APP: variants seen among roughly 807,000 people sequenced by gnomAD.
APP encodes the protein amyloid beta precursor protein.
In APP, 31 loss-of-function variants were observed where a neutral mutation model predicts 101.4. The observed-to-expected ratio is 0.31, with a 90% CI of 0.23 to 0.41. APP has a LOEUF of 0.41. Ranked by LOEUF, APP falls within the 10% of genes least tolerant of loss-of-function variation. APP has a pLI of 1.00. For synonymous variants in APP, 366 were observed against 364.4 expected, an observed-to-expected ratio of 1.00 and a Z score of -0.05; for missense variants, 839 against 1,003.7, an observed-to-expected ratio of 0.84 and a Z score of 2.22.
In APP at chr21:26,158,518, T is replaced by TA. The variant is rs1361316985; in HGVS notation, c.57+12045dup. ...ATGCTCCCTTGCATCGAGGTGTCACTATCTGGCCCATGAGATTAAGCAGAC... is the reference window on the plus strand; with the variant it reads ...ATGCTCCCTTGCATCGAGGTGTCACTAATCTGGCCCATGAGATTAAGCAGAC... On this transcript the variant is annotated intron_variant, in intron 1 of 17. Transcript: ENST00000346798. 2.0e-5 allele frequency among the ~76,000 whole-genome samples: 3 copies of TA among 152,190 alleles called. 1 individual carries two copies. The highest frequency in any genetic ancestry group is 4.1e-4 in the South Asian group (2 of 4,838).
chr21:25,949,921 C>G (rs937489096), intron 13 of APP, among the ~76,000 whole-genome samples: 1 of 152,162 alleles, frequency 6.6e-6, no homozygotes, highest in African/African-American at 2.4e-5. Context: ...AGTTGGCAAA[C>G]TCTCTTAGGT....
intron 13 of APP, 30 bp from the exon 14 acceptor site, chr21:25,911,992 A>G: frequency 1.3e-6 from 2 of 1,542,142 alleles, no homozygotes; most frequent in East Asian, 4.5e-5. Flanking sequence ...CTCTTTGGTG[A>G]GTAACAACAA....
At chr21:25,883,567 C>T (rs2037132877) in intron 17 of APP, among the ~76,000 whole-genome samples, 1 of 152,076 alleles carries the variant, frequency 6.6e-6, no homozygotes, top group Non-Finnish European at 1.5e-5. Context: ...GTAGCACGTG[C>T]CTGTAGTCCC....
intron 3 of APP, among the ~76,000 whole-genome samples, chr21:26,058,661 T>C (rs2046138143): frequency 6.6e-6 from 1 of 152,202 alleles, no homozygotes; most frequent in South Asian, 2.1e-4. Flanking sequence ...GCTGCCAGGA[T>C]GGCGGCACCT....
chr21:26,133,446 C>A (rs1360925136), intron 1 of APP, among the ~76,000 whole-genome samples: 1 of 152,148 alleles, frequency 6.6e-6, no homozygotes, highest in Non-Finnish European at 1.5e-5. Flanking sequence ...ACTATGGATT[C>A]AGTCTACAAT....
At chr21:26,155,956 G>A (rs755177060) in intron 1 of APP, among the ~76,000 whole-genome samples, 18 of 148,668 alleles carry the variant, frequency 1.2e-4, no homozygotes, top group East Asian at 6.0e-4. Flanking sequence ...AGCCGAGACC[G>A]TGCCACTGCA....
chr21:26,088,005 G>C (rs2061737923), intron 3 of APP, among the ~76,000 whole-genome samples: 1 of 151,864 alleles, frequency 6.6e-6, no homozygotes, highest in Non-Finnish European at 1.5e-5. Flanking sequence ...TTTTTTGTTT[G>C]TTTTTGTTTT....
At chr21:26,109,862 G>A (rs1413743265) in intron 2 of APP, among the ~76,000 whole-genome samples, 1 of 152,152 alleles carries the variant, frequency 6.6e-6, no homozygotes, top group African/African-American at 2.4e-5. Context: ...TTTGGTCAAT[G>A]TCATAAACTA....
At chr21:25,990,946 A>G (rs7276210) in intron 8 of APP, among the ~76,000 whole-genome samples, 50,677 of 152,024 alleles carry the variant, frequency 0.33, 10,079 homozygotes, top group African/African-American at 0.56. Context: ...AATGAGGGAT[A>G]AAGAAAATGT....
intron 15 of APP, among the ~76,000 whole-genome samples, chr21:25,902,261 T>G (rs1051700205): frequency 2.0e-5 from 3 of 152,184 alleles, no homozygotes; most frequent in African/African-American, 7.2e-5. Flanking sequence ...ATGACAATCT[T>G]GGGAAGGCTT....
intron 11 of APP, among the ~76,000 whole-genome samples, chr21:25,958,783 A>T (rs1388097530): frequency 3.3e-5 from 5 of 152,136 alleles, no homozygotes; most frequent in African/African-American, 1.2e-4. Context: ...TAAATCATCG[A>T]CCCCTTTCTT....
At chr21:26,083,632 G>T (rs779855660) in intron 3 of APP, among the ~76,000 whole-genome samples, 6 of 152,196 alleles carry the variant, frequency 3.9e-5, no homozygotes, top group Non-Finnish European at 8.8e-5. Flanking sequence ...CTACAAATCA[G>T]ATGTCCATTA....
At chr21:26,045,098 G>A (rs747376340) in intron 5 of APP, among the ~76,000 whole-genome samples, 155 of 152,072 alleles carry the variant, frequency 1.0e-3, no homozygotes, top group Non-Finnish European at 1.8e-3. Context: ...AAGAGATAAT[G>A]CAGAAAAAAA....
chr21:26,163,481 C>T (rs867306216), intron 1 of APP, among the ~76,000 whole-genome samples: 6 of 152,112 alleles, frequency 3.9e-5, no homozygotes, highest in Admixed American at 6.6e-5. Flanking sequence ...CATCTTTTCC[C>T]TTTTCCAAAA....
rs181118992 is a variant in APP, at chr21:25,935,637, C to T, written c.1687+18953G>A. Among the ~76,000 whole-genome samples, 365 of 151,978 alleles carry T rather than the reference C, an allele frequency of 2.4e-3. 2 individuals carry two copies. Among genetic ancestry groups the T allele is most frequent in the African/African-American group, 8.3e-3 (344 of 41,424 alleles). On this transcript the variant is annotated intron_variant, in intron 13 of 17. Coordinates refer to ENST00000346798, the MANE Select transcript of APP (RefSeq NM_000484.4). ...CGAGTGGATTACAAGGTCAGGAATT[C>T]GAGACCAGCCCGATCAACATACTGA...
At chr21:25,997,311 G>T in intron 8 of APP, 49 bp downstream of exon 8, 1 of 1,550,106 alleles carries the variant, frequency 6.5e-7, no homozygotes, top group Non-Finnish European at 8.9e-7. Flanking sequence ...TGTGAACCAA[G>T]CAGCATCCTC....
At chr21:25,976,770 A>C (rs1234223669) in intron 9 of APP, among the ~76,000 whole-genome samples, 1 of 152,242 alleles carries the variant, frequency 6.6e-6, no homozygotes, top group Non-Finnish European at 1.5e-5. Flanking sequence ...CATGTGTTGG[A>C]AACTTAATCC....
At chr21:26,011,502 G>T (rs2043804945) in intron 6 of APP, among the ~76,000 whole-genome samples, 1 of 152,066 alleles carries the variant, frequency 6.6e-6, no homozygotes, top group Non-Finnish European at 1.5e-5. Context: ...TCACTTGGGG[G>T]TGCTGCTGGC....
intron 3 of APP, among the ~76,000 whole-genome samples, chr21:26,060,955 C>G (rs757332181): frequency 1.3e-5 from 2 of 152,126 alleles, no homozygotes; most frequent in Non-Finnish European, 2.9e-5. Flanking sequence ...CCAACTCTGG[C>G]CAGTACTCAG....
Sources: gnomAD v4.1 joint callset for allele counts (sites outside exome capture counted in the v4.1 genomes callset) on GRCh38, gnomAD v4.1.1 for gene constraint, MANE v1.5 for transcripts, NCBI Gene and HGNC (gene_info 2026-07-23, HGNC 2026-07-21) for gene names.